Variants in ITIH6 observed in about 807,000 individuals in gnomAD.
The protein encoded by ITIH6 is inter-alpha-trypsin inhibitor heavy chain family member 6.
A neutral mutation model predicts 58.2 loss-of-function variants in ITIH6; 60 were observed. The ratio of observed to expected loss-of-function variants is 1.03; its 90% CI spans 0.84 to 1.28. The LOEUF is 1.28. Among genes scored for constraint, ITIH6 ranks in the 50% most tolerant of loss-of-function variants. The probability of loss-of-function intolerance (pLI) is 0.00; values close to 1 mark genes in which losing one functional copy is unlikely to be tolerated. For missense variants in ITIH6, 1,290 were observed against 1,021.1 expected (o/e 1.26, Z -3.59); for synonymous variants, 493 against 417.4 (o/e 1.18, Z -2.21).
intron 6 of ITIH6, among the ~76,000 whole-genome samples, chrX:54,772,294 C>T (rs901716301): frequency 7.1e-5 from 8 of 112,190 alleles, no homozygotes; most frequent in Admixed American, 6.6e-4. Context: ...GGGAGCTAAA[C>T]ATTGAACACA....
Position 54,765,673 on chromosome X carries a change from G to A in ITIH6, c.904-5746C>T, listed in dbSNP as rs774088887. Among the ~76,000 whole-genome samples, 45 of 104,726 alleles carry A rather than the reference G, an allele frequency of 4.3e-4. 1 individual carries two copies. Among genetic ancestry groups the A allele is most frequent in the African/African-American group, 1.2e-3 (34 of 28,254 alleles). The allele number at this position is 104,726 out of a possible 115,157, so 90.9% of individuals were successfully genotyped here. On this transcript the variant is annotated intron_variant, in intron 6 of 12. Coordinates refer to ENST00000218436, the MANE Select transcript of ITIH6 (RefSeq NM_198510.3). ...CTGCGGACTGCAGTGGTGCAATCTC[G>A]GCTCACTGCAAGCTCCGCTTCCTGG...
At chrX:54,776,268 T>C (rs905680241) in intron 5 of ITIH6, among the ~76,000 whole-genome samples, 3 of 111,016 alleles carry the variant, frequency 2.7e-5, no homozygotes, top group Non-Finnish European at 3.8e-5. Flanking sequence ...GAATTACCCA[T>C]GTCAGCATGT....
intron 7 of ITIH6, among the ~76,000 whole-genome samples, chrX:54,759,245 G>T (rs1338932925): frequency 9.0e-6 from 1 of 110,980 alleles, no homozygotes; most frequent in South Asian, 3.9e-4. Context: ...TTCCTTGGTG[G>T]TGCAGGGTCG....
intron 2 of ITIH6, among the ~76,000 whole-genome samples, chrX:54,794,883 C>G (rs1436796004): frequency 8.9e-6 from 1 of 111,907 alleles, no homozygotes; most frequent in African/African-American, 3.2e-5. Flanking sequence ...TGAGGCCCCA[C>G]TAAGCTTTCC....
chrX:54,792,588 A>AAAG (rs1929369437), intron 2 of ITIH6, among the ~76,000 whole-genome samples: 1 of 109,643 alleles, frequency 9.1e-6, no homozygotes, highest in Admixed American at 9.8e-5. Flanking sequence ...GTGGGTGGTA[A>AAAG]AAGTGGTAAA....
intron 2 of ITIH6, 45 bp downstream of exon 2, chrX:54,796,897 T>C (rs770189368): frequency 8.6e-7 from 1 of 1,165,720 alleles, no homozygotes; most frequent in Admixed American, 2.2e-5. Context: ...AACGAACAAA[T>C]ATATGCACAA....
At chrX:54,779,775 C>T (rs1929117017) in intron 5 of ITIH6, among the ~76,000 whole-genome samples, 1 of 110,526 alleles carries the variant, frequency 9.0e-6, no homozygotes, top group Admixed American at 9.6e-5. Flanking sequence ...AAATAAGACC[C>T]ACTGATCTGT....
At chrX:54,797,365 G>A (rs1182908701) in intron 1 of ITIH6, among the ~76,000 whole-genome samples, 1 of 111,868 alleles carries the variant, frequency 8.9e-6, no homozygotes, top group Non-Finnish European at 1.9e-5. Context: ...ACTTTGATGT[G>A]CACATGAATC....
chrX:54,779,372 A>T (rs894674269), intron 5 of ITIH6, among the ~76,000 whole-genome samples: 6 of 112,105 alleles, frequency 5.4e-5, no homozygotes, highest in Non-Finnish European at 7.5e-5. Context: ...AGAAACAACA[A>T]AGAAATAAAA....
chrX:54,791,107 T>C (rs766289577), intron 3 of ITIH6, 23 bp from the exon 4 acceptor site: 1 of 1,206,751 alleles, frequency 8.3e-7, no homozygotes, highest in Non-Finnish European at 1.1e-6. Context: ...GGGAGGATGG[T>C]GGGAAGAGAA....
At chrX:54,796,790 G>T (rs1211400409) in intron 2 of ITIH6, 152 bp downstream of exon 2, 10 of 461,945 alleles carry the variant, frequency 2.2e-5, no homozygotes, top group Admixed American at 4.4e-5. Flanking sequence ...ACTTGCCCTG[G>T]GTCCCAAACT....
chrX:54,764,309 G>A (rs1928718816), intron 6 of ITIH6, among the ~76,000 whole-genome samples: 1 of 105,775 alleles, frequency 9.5e-6, no homozygotes. Flanking sequence ...TGCACATTGT[G>A]CAGGTTAGTT....
intron 11 of ITIH6, 83 bp downstream of exon 11, chrX:54,753,568 G>T: frequency 3.0e-6 from 2 of 661,609 alleles, no homozygotes; most frequent in Non-Finnish European, 4.9e-6. Flanking sequence ...TGTGTCTGGG[G>T]TATTAACCCA....
intron 4 of ITIH6, among the ~76,000 whole-genome samples, chrX:54,790,608 A>G (rs1929326702): frequency 9.0e-6 from 1 of 110,917 alleles, no homozygotes; most frequent in Admixed American, 9.5e-5. Context: ...GGAAATCAAG[A>G]GTCTGGGAAG....
In ITIH6 at chrX:54,782,418, A is replaced by AAAT. The variant is rs1023081354; in HGVS notation, c.786+6059_786+6061dup. 3.2e-4 allele frequency among the ~76,000 whole-genome samples: 36 copies of AAAT among 110,987 alleles called. 1 individual carries two copies. The highest frequency in any genetic ancestry group is 6.2e-4 in the Non-Finnish European group (33 of 52,956). ...GCAACAAGAGCGAAACTCTGTCTCA[A>AAAT]AATAATAATAATAATAATTAAATAA... On this transcript the variant is annotated intron_variant, in intron 5 of 12. Transcript: ENST00000218436.
chrX:54,765,090 C>T (rs1262763539), intron 6 of ITIH6, among the ~76,000 whole-genome samples: 6 of 27,966 alleles, frequency 2.1e-4, no homozygotes, highest in South Asian at 5.8e-3. Flanking sequence ...GTCCTTCGCC[C>T]ACTTTTTGAT....
intron 5 of ITIH6, 150 bp downstream of exon 5, chrX:54,788,330 A>G: frequency 4.3e-6 from 2 of 468,536 alleles, no homozygotes; most frequent in South Asian, 7.7e-5. Flanking sequence ...CCCAAAGTTG[A>G]AGCCGTGTGT....
chrX:54,774,187 T>G lies in ITIH6; in HGVS notation c.797A>C (p.Asp266Ala). The G allele has an allele frequency of 9.9e-7, 1 of 1,010,455 alleles. No individual in the cohort carries two copies. The highest frequency in any genetic ancestry group is 1.3e-6 in the Non-Finnish European group (1 of 757,694). The allele number at this position is 1,010,455 out of a possible 1,213,427, so 83.3% of individuals were successfully genotyped here. ...GGGGGCAAAGTAGTGAATGAAATAG[T>G]CATCGTAAATCTGGACCAAAAAAAA... is the stretch of plus-strand genomic sequence containing the variant. ...DIIGDVQIYD[D>A]YFIHYFAPRG... Residue 266 changes from aspartate (D) to alanine (A), a missense_variant, in exon 6 of 13, where the codon GAC (aspartate) becomes GCC (alanine). Physicochemically the swap from Asp to Ala is moderately radical, Grantham distance 126. Coordinates refer to ENST00000218436, the MANE Select transcript of ITIH6 (RefSeq NM_198510.3).
At position 54,792,721 on chromosome X, in the gene ITIH6, C is replaced by G. The variant is rs377589202; in HGVS notation, c.258-685G>C. On this transcript the variant is annotated intron_variant, in intron 2 of 12. Transcript: ENST00000218436. ...GCAGACTTGCTTACCCCCATTCTCC[C>G]CATTTCTCTAAGGAAGGTAATAAAG... is the stretch of plus-strand genomic sequence containing the variant. Among the ~76,000 whole-genome samples, 438 of 111,446 alleles carry G rather than the reference C, an allele frequency of 3.9e-3. 2 individuals carry two copies. The highest frequency in any genetic ancestry group is 9.3e-3 in the Middle Eastern group (2 of 216).
Sources: gnomAD v4.1 joint callset for allele counts (sites outside exome capture counted in the v4.1 genomes callset) on GRCh38, gnomAD v4.1.1 for gene constraint, MANE v1.5 for transcripts, NCBI Gene and HGNC (gene_info 2026-07-23, HGNC 2026-07-21) for gene names.